The following CFAP210 variants were observed in gnomAD, a reference collection of about 807,000 sequenced individuals.
CFAP210 encodes the protein cilia- and flagella- associated protein 210.
At chr2:169,684,450 T>C in the CFAP210 span, among the ~76,000 whole-genome samples, 1 of 152,224 alleles carries the variant, frequency 6.6e-6, no homozygotes, top group South Asian at 2.1e-4. Context: ...AAACTCTGTA[T>C]GCATTAGCAG....
the CFAP210 span, chr2:169,646,266 G>T: frequency 5.9e-6 from 6 of 1,019,662 alleles, no homozygotes; most frequent in South Asian, 9.6e-5. Context: ...GAAAATGTAG[G>T]TATAATTTTC....
chr2:169,649,486 G>A, the CFAP210 span: 1 of 702,342 alleles, frequency 1.4e-6, no homozygotes, highest in East Asian at 2.6e-5. Context: ...ATGCACCTGG[G>A]GTGGTTCCCA....
the CFAP210 span, among the ~76,000 whole-genome samples, chr2:169,651,053 C>A: frequency 6.6e-6 from 1 of 151,720 alleles, no homozygotes; most frequent in Admixed American, 6.6e-5. Context: ...ATGGTGAAAC[C>A]CTGTCTCCAC....
chr2:169,661,984 T>C, the CFAP210 span, among the ~76,000 whole-genome samples: 16 of 152,308 alleles, frequency 1.1e-4, 1 homozygote, highest in South Asian at 2.7e-3. Flanking sequence ...AACTTACAGT[T>C]AGATATAAGG....
the CFAP210 span, chr2:169,650,298 C>CTATT: frequency 8.6e-5 from 131 of 1,517,512 alleles, no homozygotes; most frequent in Non-Finnish European, 1.1e-4. Flanking sequence ...CTCTGTCTTT[C>CTATT]TATTTTTATT....
the CFAP210 span, among the ~76,000 whole-genome samples, chr2:169,679,382 A>G: frequency 6.6e-6 from 1 of 152,094 alleles, no homozygotes; most frequent in Non-Finnish European, 1.5e-5. Flanking sequence ...TCCATCCTTA[A>G]GCAGGTGCCA....
chr2:169,693,566 T>A, the CFAP210 span, among the ~76,000 whole-genome samples: 1 of 152,268 alleles, frequency 6.6e-6, no homozygotes, highest in East Asian at 1.9e-4. Flanking sequence ...AAAGTTCTAG[T>A]TGTCACCATG....
chr2:169,690,967 T>A, the CFAP210 span, among the ~76,000 whole-genome samples: 1 of 152,220 alleles, frequency 6.6e-6, no homozygotes, highest in Non-Finnish European at 1.5e-5. Context: ...CTTTTGGCCA[T>A]TAATTCTTCA....
chr2:169,679,637 C>T, the CFAP210 span, among the ~76,000 whole-genome samples: 3 of 149,250 alleles, frequency 2.0e-5, no homozygotes, highest in Non-Finnish European at 3.0e-5. Flanking sequence ...GCCGAGATTG[C>T]CCCACTGCAC....
chr2:169,652,485 C>A, the CFAP210 span, among the ~76,000 whole-genome samples: 17 of 152,130 alleles, frequency 1.1e-4, no homozygotes, highest in African/African-American at 3.1e-4. Context: ...ACCTTTAGTC[C>A]CAACTACTCA....
the CFAP210 span, chr2:169,674,488 A>G: frequency 2.7e-6 from 3 of 1,098,294 alleles, no homozygotes; most frequent in Non-Finnish European, 2.6e-6. Flanking sequence ...TAATTATTTT[A>G]GCATGTATTA....
At chr2:169,649,158 T>C in the CFAP210 span, 1 of 1,557,490 alleles carries the variant, frequency 6.4e-7, no homozygotes, top group African/African-American at 1.4e-5. Context: ...ACTAACATAA[T>C]TATAAACATT....
chr2:169,662,096 A>C, the CFAP210 span, among the ~76,000 whole-genome samples: 10 of 152,384 alleles, frequency 6.6e-5, no homozygotes, highest in South Asian at 2.1e-3. Flanking sequence ...TCCCAACACG[A>C]AGAAATGATA....
the CFAP210 span, among the ~76,000 whole-genome samples, chr2:169,689,785 G>C: frequency 6.6e-6 from 1 of 152,052 alleles, no homozygotes; most frequent in Non-Finnish European, 1.5e-5. Context: ...TCTATTCCCA[G>C]TTTGTTGTTT....
At chr2:169,654,147 T>G in the CFAP210 span, 1 of 1,601,832 alleles carries the variant, frequency 6.2e-7, no homozygotes, top group Non-Finnish European at 8.5e-7. Context: ...TTTTCTCATC[T>G]TTTCATCTTC....
the CFAP210 span, among the ~76,000 whole-genome samples, chr2:169,690,234 T>A: frequency 6.6e-6 from 1 of 152,226 alleles, no homozygotes; most frequent in Non-Finnish European, 1.5e-5. Context: ...ATAGTTTTCT[T>A]GTGATATCTT....
At chr2:169,682,233 GAATT>G in the CFAP210 span, among the ~76,000 whole-genome samples, 2 of 152,046 alleles carry the variant, frequency 1.3e-5, no homozygotes, top group African/African-American at 2.4e-5. Context: ...GGCAGAAAAG[GAATT>G]AATTAAGGGG....
At chr2:169,651,788 TC>T in the CFAP210 span, among the ~76,000 whole-genome samples, 1 of 152,036 alleles carries the variant, frequency 6.6e-6, no homozygotes, top group Non-Finnish European at 1.5e-5. Context: ...TAAATATCCA[TC>T]CCCTCACAAT....
chr2:169,650,612 C>T, the CFAP210 span: 3 of 1,352,016 alleles, frequency 2.2e-6, no homozygotes, highest in Non-Finnish European at 2.9e-6. Context: ...AGATATTTTG[C>T]AGTCTCTTAC....
Sources: allele counts gnomAD v4.1 joint callset (sites outside exome capture counted in the v4.1 genomes callset), GRCh38; gene constraint gnomAD v4.1.1; transcripts MANE v1.5; gene names NCBI Gene and HGNC (gene_info 2026-07-23, HGNC 2026-07-21).